Variants in CDKL5 observed in about 807,000 individuals in gnomAD.
CDKL5 encodes the protein cyclin dependent kinase like 5.
In CDKL5, 8 loss-of-function variants were observed where a neutral mutation model predicts 61.7. The ratio of observed to expected loss-of-function variants is 0.13; its 90% CI spans 0.08 to 0.23. CDKL5 has a LOEUF of 0.23. CDKL5 is among the 10% of genes least tolerant of loss of function. The pLI, the probability that CDKL5 is intolerant of heterozygous loss-of-function variation, is 1.00. For synonymous variants in CDKL5, 275 were observed against 272.3 expected (o/e 1.01, Z -0.10); for missense variants, 440 against 734.5 (o/e 0.60, Z 4.63).
intron 3 of CDKL5, among the ~76,000 whole-genome samples, chrX:18,525,009 A>G (rs1569201976): frequency 9.0e-6 from 1 of 111,444 alleles, no homozygotes; most frequent in Non-Finnish European, 1.9e-5. Flanking sequence ...TACAGCTTCA[A>G]ACTCCTGGGC....
At chrX:18,542,514 G>A (rs778171675) in intron 3 of CDKL5, among the ~76,000 whole-genome samples, 1 of 110,889 alleles carries the variant, frequency 9.0e-6, no homozygotes, top group East Asian at 2.8e-4. Flanking sequence ...GGCTCTTCTG[G>A]GTTCTTTATT....
chrX:18,468,756 G>T (rs901657593), intron 1 of CDKL5, among the ~76,000 whole-genome samples: 1 of 111,001 alleles, frequency 9.0e-6, no homozygotes, highest in Non-Finnish European at 1.9e-5. Flanking sequence ...TCTAGGGTTG[G>T]GTTTTCAGAT....
chrX:18,433,939 C>T lies in CDKL5; in HGVS notation c.-163+8244C>T, dbSNP rs890789102. On this transcript the variant is annotated intron_variant, in intron 1 of 17. Transcript: ENST00000623535. ...ACAGATCCATGCCTAATGCGCGTGT[C>T]GTAGAGCAGGCTTCATCAAATTTAG... is the stretch of plus-strand genomic sequence containing the variant. Among the ~76,000 whole-genome samples, 4 of 112,380 alleles carry T rather than the reference C, an allele frequency of 3.6e-5. No homozygotes were observed. The Admixed American group carries it at 3.8e-4, about 11-fold the overall frequency.
At chrX:18,571,107 C>T (rs1247723029) in intron 4 of CDKL5, among the ~76,000 whole-genome samples, 1 of 111,035 alleles carries the variant, frequency 9.0e-6, no homozygotes, top group Non-Finnish European at 1.9e-5. Context: ...ATAACTCAGC[C>T]CCAGTATACA....
chrX:18,472,036 T>C (rs1683853158), intron 1 of CDKL5, among the ~76,000 whole-genome samples: 1 of 112,216 alleles, frequency 8.9e-6, no homozygotes, highest in South Asian at 3.6e-4. Flanking sequence ...GCTCTGTGCC[T>C]GGCTGCTGCC....
chrX:18,605,611 C>CA (rs959749687), intron 12 of CDKL5, among the ~76,000 whole-genome samples: 26 of 110,747 alleles, frequency 2.3e-4, no homozygotes, highest in East Asian at 5.7e-4. Flanking sequence ...GAAACAAAAA[C>CA]AAAAAAAACA....
chrX:18,579,440 T>C (rs906931884), intron 5 of CDKL5, among the ~76,000 whole-genome samples: 1 of 111,310 alleles, frequency 9.0e-6, no homozygotes, highest in Non-Finnish European at 1.9e-5. Flanking sequence ...TCCAGGTGTA[T>C]TTTCAAGGCT....
intron 21 of CDKL5, among the ~76,000 whole-genome samples, chrX:18,652,054 C>A (rs1269547032): frequency 3.6e-5 from 4 of 110,691 alleles, no homozygotes; most frequent in African/African-American, 1.3e-4. Flanking sequence ...TGTCACGCAC[C>A]CCTCCTCCTC....
chrX:18,584,403 A>G lies in CDKL5; in HGVS notation c.554+50A>G, dbSNP rs1188627521. On this transcript the variant is annotated intron_variant, in intron 8 of 17. Transcript: ENST00000623535. ...TGACATTTCCACATCTGCTGATTCT[A>G]TTGTCATTTGCTTTGAGTTCATCTA... The G allele has an allele frequency of 1.3e-5, 11 of 816,889 alleles. No individual in the cohort carries two copies. In the East Asian group the frequency reaches 1.6e-4, roughly 12 times the overall value. The allele number at this position is 816,889 out of a possible 1,213,427, so 67.3% of individuals were successfully genotyped here. A position where few individuals can be genotyped will look rare whatever the true frequency, so the allele number is the denominator to read the frequency against.
At chrX:18,609,423 C>A in intron 13 of CDKL5, 42 bp from the exon 14 acceptor site, 1 of 1,210,873 alleles carries the variant, frequency 8.3e-7, no homozygotes, top group African/African-American at 1.7e-5. Context: ...ATATTGTCAT[C>A]AATGTGTGGC....
chrX:18,633,232 G>A lies in CDKL5; in HGVS notation c.*4475G>A, dbSNP rs1194456499. ...CATACTTTTGTGAACTTTGGAATGT[G>A]GTAGGGTACACTGAACCAAGTCAGA... On this transcript the variant is annotated 3_prime_UTR_variant, in exon 18 of 18. Coordinates refer to ENST00000623535, the MANE Select transcript of CDKL5 (RefSeq NM_001323289.2). 1.3e-6 allele frequency: 1 copy of A among 752,899 alleles called. No individual in the cohort carries two copies. Among genetic ancestry groups the A allele is most frequent in the African/African-American group, 2.3e-5 (1 of 43,260 alleles). The allele number at this position is 752,899 out of a possible 1,213,427, so 62.0% of individuals were successfully genotyped here. A position where few individuals can be genotyped will look rare whatever the true frequency, so the allele number is the denominator to read the frequency against.
At chrX:18,537,535 T>C (rs752725783) in intron 3 of CDKL5, among the ~76,000 whole-genome samples, 1 of 111,970 alleles carries the variant, frequency 8.9e-6, no homozygotes, top group South Asian at 3.7e-4. Flanking sequence ...CTCCTGTGTG[T>C]GTATGTTTAG....
chrX:18,558,047 A>G, intron 3 of CDKL5, among the ~76,000 whole-genome samples: 2 of 110,736 alleles, frequency 1.8e-5, no homozygotes, highest in South Asian at 7.6e-4. Flanking sequence ...TTGTTTACTC[A>G]TGGAGACAGT....
intron 1 of CDKL5, among the ~76,000 whole-genome samples, chrX:18,490,602 A>T (rs979436247): frequency 1.8e-5 from 2 of 111,696 alleles, no homozygotes. Flanking sequence ...GCTCTTAACC[A>T]TATCTTTTTA....
chrX:18,587,315 T>C (rs1286830976), intron 8 of CDKL5, among the ~76,000 whole-genome samples: 2 of 111,491 alleles, frequency 1.8e-5, no homozygotes, highest in East Asian at 5.6e-4. Flanking sequence ...TAGAAGAAGC[T>C]ATAAACCCCT....
chrX:18,569,262 A>G (rs139270939), intron 4 of CDKL5, among the ~76,000 whole-genome samples: 2 of 111,311 alleles, frequency 1.8e-5, no homozygotes, highest in Admixed American at 1.9e-4. Context: ...ATAACCCTAA[A>G]TGATGGTATT....
In CDKL5 at chrX:18,632,585, T is replaced by C; in HGVS notation, c.*3828T>C. ...CGTATTGGTGGTTGTGATGTGGCTG[T>C]TATAGAAGTATTTGTGCTGTATGCT... is the stretch of plus-strand genomic sequence containing the variant. On this transcript the variant is annotated 3_prime_UTR_variant, in exon 18 of 18. Coordinates refer to ENST00000623535, the MANE Select transcript of CDKL5 (RefSeq NM_001323289.2). 1.3e-6 allele frequency: 1 copy of C among 754,710 alleles called. No individual in the cohort carries two copies. The allele number at this position is 754,710 out of a possible 1,213,427, so 62.2% of individuals were successfully genotyped here.
At position 18,633,151 on chromosome X, in the gene CDKL5, G is replaced by A. The variant is rs958855011; in HGVS notation, c.*4394G>A. On this transcript the variant is annotated 3_prime_UTR_variant, in exon 18 of 18. Transcript: ENST00000623535. ...GCATTGCTTTTCTATCTAGAAGTTC[G>A]TTACCTCCTGCATGATAGTGGGATA... The A allele has an allele frequency of 1.1e-5, 8 of 752,067 alleles. No individual in the cohort carries two copies. Among genetic ancestry groups the A allele is most frequent in the East Asian group, 3.0e-4 (2 of 6,578 alleles). 62.0% of individuals were successfully genotyped at this position (752,067 alleles called of 1,213,427 possible). A position where few individuals can be genotyped will look rare whatever the true frequency, so the allele number is the denominator to read the frequency against.
intron 12 of CDKL5, 23 bp from the exon 13 acceptor site, chrX:18,608,788 A>C (rs769585823): frequency 1.7e-5 from 18 of 1,089,891 alleles, no homozygotes; most frequent in Non-Finnish European, 2.2e-5. Flanking sequence ...GCTCTTATAA[A>C]TCCTTTTAAA....
Sources: allele counts gnomAD v4.1 joint callset (sites outside exome capture counted in the v4.1 genomes callset), GRCh38; gene constraint gnomAD v4.1.1; transcripts MANE v1.5; gene names NCBI Gene and HGNC (gene_info 2026-07-23, HGNC 2026-07-21).